TOP2B: variants seen among roughly 807,000 people sequenced by gnomAD.
TOP2B encodes DNA topoisomerase 2-beta.
TOP2B carries 51 observed loss-of-function variants against 193.5 expected under a neutral mutation model. The observed-to-expected ratio is 0.26, with a 90% CI of 0.21 to 0.33. The LOEUF (loss-of-function observed/expected upper bound fraction) is 0.33, where lower values mean the gene tolerates loss of function less well. TOP2B is among the 10% of genes least tolerant of loss of function. The pLI, the probability that TOP2B is intolerant of heterozygous loss-of-function variation, is 1.00. For missense variants in TOP2B, 1,378 were observed against 1,909.3 expected (o/e 0.72, Z 5.19); for synonymous variants, 634 against 635.7 (o/e 1.00, Z 0.04).
chr3:25,660,413 T>C (rs1703874254), intron 1 of TOP2B, among the ~76,000 whole-genome samples: 1 of 152,222 alleles, frequency 6.6e-6, no homozygotes, highest in Non-Finnish European at 1.5e-5. Flanking sequence ...ACTTCTGTTT[T>C]ATGATTCATG....
intron 10 of TOP2B, among the ~76,000 whole-genome samples, chr3:25,631,256 T>C (rs1702948066): frequency 6.6e-6 from 1 of 152,104 alleles, no homozygotes; most frequent in South Asian, 2.1e-4. Context: ...TGAAAACAGA[T>C]CCACACATGA....
Position 25,606,101 on chromosome 3 carries a change from T to G in TOP2B, c.4320A>C (p.Lys1440Asn). ...AGAAGAGATTTCCAAAATCCTGACT[T>G]TTTTTGTCATGCAAAGATTTTCTAT... is the stretch of plus-strand genomic sequence containing the variant. ...ATPEKSLHDKKSQDFGNLFSF... is the reference protein window; with the variant it reads ...ATPEKSLHDKNSQDFGNLFSF... Residue 1440 changes from lysine (K) to asparagine (N), a missense_variant, in exon 32 of 36, where the codon AAA becomes AAC. Lys to Asn is a moderately conservative substitution (Grantham distance 94). This residue lies in a region of TOP2B where 556 missense variants were observed against 584.2 expected (regional missense o/e 0.95). Transcript: ENST00000264331. 6.7e-7 allele frequency: 1 copy of G among 1,502,856 alleles called. No homozygotes were observed. Among genetic ancestry groups the G allele is most frequent in the Non-Finnish European group, 9.0e-7 (1 of 1,115,842 alleles). 93.1% of individuals were successfully genotyped at this position (1,502,856 alleles called of 1,614,324 possible).
At chr3:25,652,283 T>C (rs1703614929) in intron 1 of TOP2B, among the ~76,000 whole-genome samples, 1 of 152,102 alleles carries the variant, frequency 6.6e-6, no homozygotes. Flanking sequence ...AGAAGATCAA[T>C]AAAGACACAA....
intron 6 of TOP2B, 131 bp downstream of exon 6, chr3:25,637,084 A>G: frequency 3.0e-6 from 2 of 672,556 alleles, no homozygotes; most frequent in South Asian, 1.7e-5. Flanking sequence ...TGATGATTTG[A>G]CTTGGATAAT....
At chr3:25,624,272 T>C (rs1702738503) in intron 20 of TOP2B, 25 bp downstream of exon 20, 2 of 1,612,004 alleles carry the variant, frequency 1.2e-6, no homozygotes, top group Non-Finnish European at 1.7e-6. Context: ...TCAAACTTTA[T>C]ACCATTATAT....
chr3:25,630,501 A>C (rs764287358), intron 11 of TOP2B, 32 bp from the exon 12 acceptor site: 3 of 1,482,820 alleles, frequency 2.0e-6, no homozygotes, highest in Admixed American at 4.9e-5. Context: ...ACATAGTAAA[A>C]ATTTCTCATA....
chr3:25,603,616 C>T (rs574597154), intron 33 of TOP2B, among the ~76,000 whole-genome samples: 21 of 152,200 alleles, frequency 1.4e-4, no homozygotes, highest in African/African-American at 5.1e-4. Context: ...GCCAATCTGC[C>T]TAATCCTAGA....
chr3:25,602,603 T>C (rs2125342816), intron 33 of TOP2B, among the ~76,000 whole-genome samples: 2 of 152,108 alleles, frequency 1.3e-5, no homozygotes, highest in Middle Eastern at 6.8e-3. Context: ...GGAGGAGCCC[T>C]AGGAAAGTGG....
chr3:25,630,005 A>G, intron 13 of TOP2B, 24 bp downstream of exon 13: 1 of 1,558,988 alleles, frequency 6.4e-7, no homozygotes, highest in East Asian at 2.3e-5. Flanking sequence ...TGAATTTGAA[A>G]TATGTGGTAA....
chr3:25,613,637 A>AG (rs1702434588), intron 27 of TOP2B, among the ~76,000 whole-genome samples: 1 of 152,012 alleles, frequency 6.6e-6, no homozygotes, highest in Non-Finnish European at 1.5e-5. Flanking sequence ...CTAAGGTAGG[A>AG]GGACTGCTTG....
At chr3:25,610,438 C>T (rs898402320) in intron 28 of TOP2B, among the ~76,000 whole-genome samples, 3 of 152,062 alleles carry the variant, frequency 2.0e-5, no homozygotes, top group African/African-American at 7.2e-5. Context: ...TGGAGAAGTA[C>T]CTTTTCTGAC....
intron 3 of TOP2B, 104 bp downstream of exon 3, chr3:25,643,590 G>T: frequency 1.3e-6 from 1 of 783,912 alleles, no homozygotes; most frequent in Non-Finnish European, 2.1e-6. Context: ...AAAAGCCAGA[G>T]ATACACCTTT....
rs568156014 is a variant in TOP2B at position 25,627,054 on chromosome 3, T to C, written c.2016+133A>G. 87 of 729,186 alleles carry C rather than the reference T, an allele frequency of 1.2e-4. No individual in the cohort carries two copies. The South Asian group carries it at 1.7e-3, about 14-fold the overall frequency. 45.2% of individuals were successfully genotyped at this position (729,186 alleles called of 1,614,324 possible). ...AGAAGTTTATACAAGCACAGCATCA[T>C]CTGGGGGAAAAATTAAAATTAACTA... is the stretch of plus-strand genomic sequence containing the variant. On this transcript the variant is annotated intron_variant, in intron 16 of 35. Transcript: ENST00000264331.
intron 33 of TOP2B, among the ~76,000 whole-genome samples, chr3:25,602,048 G>A (rs1702107936): frequency 6.6e-6 from 1 of 152,056 alleles, no homozygotes; most frequent in Non-Finnish European, 1.5e-5. Flanking sequence ...TTGCTTTCTG[G>A]AATTTTGAAA....
At chr3:25,622,793 A>G (rs374089689) in intron 21 of TOP2B, among the ~76,000 whole-genome samples, 3 of 152,114 alleles carry the variant, frequency 2.0e-5, no homozygotes, top group African/African-American at 7.2e-5. Flanking sequence ...GGTGCCCTCC[A>G]GCACACCCGG....
intron 4 of TOP2B, among the ~76,000 whole-genome samples, chr3:25,641,222 TTCA>T (rs71833548): frequency 0.023 from 3,575 of 152,334 alleles, 129 homozygotes; most frequent in African/African-American, 0.079. Flanking sequence ...TGCAACTATG[TTCA>T]TCAAGAGTGT....
At chr3:25,626,975 T>TTATTTTACAA in intron 16 of TOP2B, 111 bp from the exon 17 acceptor site, 1 of 752,430 alleles carries the variant, frequency 1.3e-6, no homozygotes, top group Non-Finnish European at 2.1e-6. Context: ...GAAAATTAGG[T>TTATTTTACAA]TATTTTACAA....
intron 7 of TOP2B, among the ~76,000 whole-genome samples, chr3:25,634,783 A>AC (rs1487825063): frequency 1.2e-4 from 16 of 137,196 alleles, no homozygotes; most frequent in East Asian, 8.4e-4. Flanking sequence ...CTTACCAAAA[A>AC]AAAAAAAAAA....
Position 25,606,074 on chromosome 3 carries a change from T to C in TOP2B, c.4347A>G (p.Ser1449=). ...CTGACTTCTGAGAATATGAAGGAAA[T>C]GAGAAGAGATTTCCAAAATCCTGAC... The part of the protein sequence containing the change: ...KKSQDFGNLF[S]FPSYSQKSED... Residue 1449 remains serine (S), a synonymous_variant, in exon 32 of 36, where the codon TCA becomes TCG. Coordinates refer to ENST00000264331, the MANE Select transcript of TOP2B (RefSeq NM_001330700.2). 6.6e-7 allele frequency: 1 copy of C among 1,506,886 alleles called. No homozygotes were observed. The highest frequency in any genetic ancestry group is 8.9e-7 in the Non-Finnish European group (1 of 1,119,800). 93.3% of individuals were successfully genotyped at this position (1,506,886 alleles called of 1,614,324 possible). A position where few individuals can be genotyped will look rare whatever the true frequency, so the allele number is the denominator to read the frequency against.
Sources: gnomAD v4.1 joint callset for allele counts (sites outside exome capture counted in the v4.1 genomes callset) on GRCh38, gnomAD v4.1.1 for gene constraint, gnomAD v4.1.1 regional missense constraint, MANE v1.5 for transcripts, NCBI Gene and HGNC (gene_info 2026-07-23, HGNC 2026-07-21) for gene names.